The following MYOCOS variants were observed in gnomAD, a reference collection of about 807,000 sequenced individuals.
The protein encoded by MYOCOS is myocilin opposite strand protein.
At chr1:171,621,763 G>C (rs1652581805), upstream of MYOCOS, among the ~76,000 whole-genome samples, 1 of 152,104 alleles carries the variant, frequency 6.6e-6, no homozygotes, top group South Asian at 2.1e-4. Flanking sequence ...TTGAGGCCAG[G>C]AGTTCAAGGC....
intron 1 of MYOCOS, among the ~76,000 whole-genome samples, chr1:171,608,821 G>C (rs1243573642): frequency 6.6e-6 from 1 of 152,130 alleles, no homozygotes; most frequent in Non-Finnish European, 1.5e-5. Flanking sequence ...TCTCTGCCGA[G>C]GGCAATTCCC....
At chr1:171,621,937 C>T (rs1652584916), upstream of MYOCOS, among the ~76,000 whole-genome samples, 1 of 152,084 alleles carries the variant, frequency 6.6e-6, no homozygotes, top group Non-Finnish European at 1.5e-5. Context: ...CACAACTGCC[C>T]TAGAAGATAC....
At chr1:171,618,484 G>T (rs1652490409), upstream of MYOCOS, among the ~76,000 whole-genome samples, 1 of 152,162 alleles carries the variant, frequency 6.6e-6, no homozygotes, top group South Asian at 2.1e-4. Context: ...GTGCCTTTGG[G>T]GTTCCAGTTC....
At chr1:171,619,027 G>T (rs1183193151), upstream of MYOCOS, among the ~76,000 whole-genome samples, 1 of 152,110 alleles carries the variant, frequency 6.6e-6, no homozygotes, top group Non-Finnish European at 1.5e-5. Context: ...CCCCCAATTT[G>T]TTTTAAAATT....
upstream of MYOCOS, among the ~76,000 whole-genome samples, chr1:171,621,290 T>A (rs761223881): frequency 1.8e-4 from 28 of 152,016 alleles, no homozygotes; most frequent in Admixed American, 4.6e-4. Flanking sequence ...TATCTACGTA[T>A]ATATAGACCT....
At chr1:171,609,742 C>G (rs1286083516) in intron 1 of MYOCOS, among the ~76,000 whole-genome samples, 1 of 152,142 alleles carries the variant, frequency 6.6e-6, no homozygotes, top group African/African-American at 2.4e-5. Context: ...CTCAAGTGAT[C>G]CTCCCTCCTC....
At chr1:171,626,368 C>A in intron 2 of MYOCOS, 86 bp from the exon 3 acceptor site, 1 of 395,634 alleles carries the variant, frequency 2.5e-6, no homozygotes, top group South Asian at 1.4e-4. Flanking sequence ...AGGCATGAAC[C>A]ACCATGCCCA....
intron 2 of MYOCOS, among the ~76,000 whole-genome samples, chr1:171,624,403 G>T (rs1385028746): frequency 1.3e-5 from 2 of 151,590 alleles, no homozygotes; most frequent in Non-Finnish European, 2.9e-5. Context: ...CCAAGTAGCT[G>T]GGACTACAGC....
chr1:171,601,938 C>G (rs7536695), intron 1 of MYOCOS, among the ~76,000 whole-genome samples: 65,376 of 151,712 alleles, frequency 0.43, 14,679 homozygotes, highest in East Asian at 0.56. Flanking sequence ...AGGTTTTCAA[C>G]AAAGTGAAGT....
chr1:171,621,088 G>A (rs1168344983), upstream of MYOCOS, among the ~76,000 whole-genome samples: 2 of 151,926 alleles, frequency 1.3e-5, no homozygotes, highest in African/African-American at 2.4e-5. Flanking sequence ...TTTCTTAAAT[G>A]TATTTGACTG....
intron 1 of MYOCOS, among the ~76,000 whole-genome samples, chr1:171,608,273 T>C (rs2102933290): frequency 6.6e-6 from 1 of 151,960 alleles, no homozygotes; most frequent in South Asian, 2.1e-4. Flanking sequence ...CATAGTGGAG[T>C]ATAAAATTGG....
intron 2 of MYOCOS, among the ~76,000 whole-genome samples, chr1:171,616,953 T>C (rs896051352): frequency 1.3e-4 from 20 of 152,328 alleles, no homozygotes; most frequent in African/African-American, 4.8e-4. Flanking sequence ...CTGCTGACAC[T>C]GTACAGGCAT....
At chr1:171,616,630 C>T (rs891901165) in intron 2 of MYOCOS, among the ~76,000 whole-genome samples, 1 of 152,136 alleles carries the variant, frequency 6.6e-6, no homozygotes, top group African/African-American at 2.4e-5. Flanking sequence ...GGAGTTCAGT[C>T]TTGGACATGT....
At position 171,607,127 on chromosome 1, in the gene MYOCOS, T is replaced by G. The variant is rs181660861; in HGVS notation, c.-252+6047T>G. Among the ~76,000 whole-genome samples, 99 of 138,202 alleles carry G rather than the reference T, an allele frequency of 7.2e-4. 1 individual carries two copies. In the East Asian group the frequency reaches 0.015, roughly 21 times the overall value. 90.7% of individuals were successfully genotyped at this position (138,202 alleles called of 152,430 possible). A position where few individuals can be genotyped will look rare whatever the true frequency, so the allele number is the denominator to read the frequency against. The stretch of plus-strand genomic sequence containing the variant: ...AAAAAAAAAAAAAAGCAAGCAAAAA[T>G]CATCCAACCTTCATATGTCTGTTTT... On this transcript the variant is annotated intron_variant, in intron 1 of 3. Coordinates refer to the MYOCOS transcript ENST00000636697.
chr1:171,604,154 C>A (rs1280961655), intron 1 of MYOCOS: 1 of 151,996 alleles, frequency 6.6e-6, no homozygotes, highest in Non-Finnish European at 1.5e-5. Flanking sequence ...AGGAGCTGTA[C>A]GTGGATAGGA....
chr1:171,624,262 G>A (rs1652644833), intron 2 of MYOCOS, among the ~76,000 whole-genome samples: 1 of 151,850 alleles, frequency 6.6e-6, no homozygotes, highest in African/African-American at 2.4e-5. Flanking sequence ...CACTTTGTTT[G>A]GTTTGGTTTT....
intron 1 of MYOCOS, among the ~76,000 whole-genome samples, chr1:171,611,836 G>T (rs553553138): frequency 2.4e-4 from 36 of 151,932 alleles, no homozygotes; most frequent in Admixed American, 2.0e-3. Context: ...AATTTGCAGG[G>T]GATGGAAAAT....
intron 1 of MYOCOS, among the ~76,000 whole-genome samples, chr1:171,606,416 A>G (rs1163378817): frequency 6.6e-6 from 1 of 152,066 alleles, no homozygotes. Context: ...AAAAAAAGAA[A>G]AAACAACAAG....
At chr1:171,603,237 C>T (rs1044438123) in intron 1 of MYOCOS, among the ~76,000 whole-genome samples, 2 of 152,180 alleles carry the variant, frequency 1.3e-5, no homozygotes, top group African/African-American at 2.4e-5. Context: ...ATGCAGTGAG[C>T]TTAAGAATTT....
Sources: allele counts gnomAD v4.1 joint callset (sites outside exome capture counted in the v4.1 genomes callset), GRCh38; gene constraint gnomAD v4.1.1; transcripts MANE v1.5; gene names NCBI Gene and HGNC (gene_info 2026-07-23, HGNC 2026-07-21).